VGLL4: variants seen among roughly 807,000 people sequenced by gnomAD.
The protein encoded by VGLL4 is vestigial like family member 4, also known as transcription cofactor vestigial-like protein 4.
Under a neutral mutation model 21.0 loss-of-function variants are expected in VGLL4, and 7 were observed. The observed-to-expected ratio is 0.33, with a 90% confidence interval of 0.19 to 0.63. The LOEUF is 0.63. Ranked by LOEUF, VGLL4 falls within the 20% of genes least tolerant of loss-of-function variation. The probability of loss-of-function intolerance (pLI) is 0.78; values close to 1 mark genes in which losing one functional copy is unlikely to be tolerated. For missense variants in VGLL4, 394 were observed against 425.7 expected, an observed-to-expected ratio of 0.93 and a Z score of 0.66; for synonymous variants, 222 against 173.2, an observed-to-expected ratio of 1.28 and a Z score of -2.21.
chr3:11,678,203 C>T (rs368419073), intron 2 of VGLL4, among the ~76,000 whole-genome samples: 6 of 152,058 alleles, frequency 3.9e-5, no homozygotes, highest in East Asian at 3.9e-4. Flanking sequence ...TACAGGCGTG[C>T]GCCACCACAT....
chr3:11,702,180 A>C (rs2076689691), intron 2 of VGLL4, among the ~76,000 whole-genome samples: 1 of 152,166 alleles, frequency 6.6e-6, no homozygotes, highest in Admixed American at 6.5e-5. Context: ...CTGGTCAATT[A>C]GTCTATCAAC....
chr3:11,573,215 A>C (rs568867256), intron 2 of VGLL4, among the ~76,000 whole-genome samples: 2 of 148,072 alleles, frequency 1.4e-5, no homozygotes, highest in Admixed American at 1.3e-4. Flanking sequence ...GAAGAGAGAG[A>C]GAGAAAGACA....
chr3:11,695,613 G>C (rs1352211936), intron 2 of VGLL4, among the ~76,000 whole-genome samples: 1 of 152,158 alleles, frequency 6.6e-6, no homozygotes, highest in East Asian at 1.9e-4. Context: ...TAGAAGGAAT[G>C]CACTTAAAAG....
chr3:11,695,806 C>A (rs949230512), intron 2 of VGLL4, among the ~76,000 whole-genome samples: 1 of 152,090 alleles, frequency 6.6e-6, no homozygotes, highest in Non-Finnish European at 1.5e-5. Flanking sequence ...CGGCACACCC[C>A]TCTGGTATTT....
chr3:11,707,193 T>C (rs1301785422), intron 1 of VGLL4, among the ~76,000 whole-genome samples: 1 of 150,880 alleles, frequency 6.6e-6, no homozygotes, highest in African/African-American at 2.4e-5. Flanking sequence ...CTGGAAGTGG[T>C]GGCATGGGCC....
intron 1 of VGLL4, among the ~76,000 whole-genome samples, chr3:11,718,436 T>C (rs936773143): frequency 6.6e-6 from 1 of 152,148 alleles, no homozygotes; most frequent in African/African-American, 2.4e-5. Context: ...AAAGGTCTCC[T>C]TAAACTGCCC....
At chr3:11,714,013 G>A (rs757232392) in intron 1 of VGLL4, among the ~76,000 whole-genome samples, 3 of 152,166 alleles carry the variant, frequency 2.0e-5, no homozygotes, top group Non-Finnish European at 4.4e-5. Flanking sequence ...GGCAACAGGA[G>A]CTAGCAGATA....
At chr3:11,618,179 A>T (rs754742032) in intron 1 of VGLL4, among the ~76,000 whole-genome samples, 52 of 152,164 alleles carry the variant, frequency 3.4e-4, no homozygotes, top group Non-Finnish European at 7.1e-4. Flanking sequence ...ATTCTAAAAA[A>T]TCATCATCCT....
chr3:11,575,612 C>T (rs531865066), intron 2 of VGLL4, among the ~76,000 whole-genome samples: 1 of 152,288 alleles, frequency 6.6e-6, no homozygotes, highest in East Asian at 1.9e-4. Flanking sequence ...CAGCGGCAGC[C>T]GCTTAAAGAA....
At chr3:11,663,125 A>G (rs2076059678) in intron 2 of VGLL4, among the ~76,000 whole-genome samples, 2 of 152,192 alleles carry the variant, frequency 1.3e-5, no homozygotes, top group East Asian at 3.8e-4. Context: ...AGTTTACTGA[A>G]GCAGAGTTTT....
intron 2 of VGLL4, among the ~76,000 whole-genome samples, chr3:11,597,398 T>C (rs1325095656): frequency 6.6e-6 from 1 of 152,180 alleles, no homozygotes; most frequent in Non-Finnish European, 1.5e-5. Context: ...AGAAATAATG[T>C]ATTTCTCAGG....
chr3:11,720,192 C>G (rs1456432521), intron 1 of VGLL4, among the ~76,000 whole-genome samples: 2 of 145,400 alleles, frequency 1.4e-5, no homozygotes, highest in African/African-American at 2.6e-5. Context: ...GCCGAACCTG[C>G]GGCACCCACG....
chr3:11,658,022 CTTT>C (rs1559927758), intron 2 of VGLL4, among the ~76,000 whole-genome samples: 1 of 152,092 alleles, frequency 6.6e-6, no homozygotes, highest in African/African-American at 2.4e-5. Context: ...ACCTCCGGGA[CTTT>C]AAAAAAGGCG....
At chr3:11,575,688 G>A (rs547895361) in intron 2 of VGLL4, among the ~76,000 whole-genome samples, 23 of 152,344 alleles carry the variant, frequency 1.5e-4, no homozygotes, top group African/African-American at 3.8e-4. Flanking sequence ...TGTCGGAAAC[G>A]CTGCTGCTGG....
At chr3:11,713,585 T>C (rs2076880090) in intron 1 of VGLL4, among the ~76,000 whole-genome samples, 1 of 148,000 alleles carries the variant, frequency 6.8e-6, no homozygotes. Context: ...TATATATATA[T>C]ATATATCTGC....
intron 1 of VGLL4, among the ~76,000 whole-genome samples, chr3:11,716,498 G>C (rs2076921567): frequency 6.6e-6 from 1 of 152,082 alleles, no homozygotes; most frequent in South Asian, 2.1e-4. Flanking sequence ...GTCGAAGAAA[G>C]TGTCAGAGGC....
intron 1 of VGLL4, among the ~76,000 whole-genome samples, chr3:11,715,624 G>A (rs934638489): frequency 2.4e-4 from 37 of 152,098 alleles, no homozygotes; most frequent in South Asian, 8.3e-4. Flanking sequence ...GTGAGCCACC[G>A]GGCCCGGCCC....
Position 11,671,148 on chromosome 3 carries a change from G to A in VGLL4, c.64+31823C>T, listed in dbSNP as rs907094268. 5 of 1,218,342 alleles carry A rather than the reference G, an allele frequency of 4.1e-6. No homozygotes were observed. The African/African-American group carries it at 6.1e-5, about 15-fold the overall frequency. 75.5% of individuals were successfully genotyped at this position (1,218,342 alleles called of 1,614,324 possible). On this transcript the variant is annotated intron_variant, in intron 2 of 5. Transcript: ENST00000273038. ...ACAAAAAGTGTTTTCATGAAGTAAT[G>A]AGGCTTTAGATAAACATACCACACT...
chr3:11,712,542 A>G (rs2124821993), intron 1 of VGLL4, among the ~76,000 whole-genome samples: 1 of 152,334 alleles, frequency 6.6e-6, no homozygotes, highest in East Asian at 1.9e-4. Context: ...AAATGGCCAA[A>G]TATGATTATT....
Sources: gnomAD v4.1 joint callset for allele counts (sites outside exome capture counted in the v4.1 genomes callset) on GRCh38, gnomAD v4.1.1 for gene constraint, MANE v1.5 for transcripts, NCBI Gene and HGNC (gene_info 2026-07-23, HGNC 2026-07-21) for gene names.